The following SMTNL2 variants were observed in gnomAD, a reference collection of about 807,000 sequenced individuals.
SMTNL2 encodes the protein smoothelin like 2, also known as smoothelin-like protein 2.
A neutral mutation model predicts 44.1 loss-of-function variants in SMTNL2; 43 were observed. The ratio of observed to expected loss-of-function variants is 0.98; its 90% CI spans 0.76 to 1.26. The LOEUF (loss-of-function observed/expected upper bound fraction) is 1.26, where lower values mean the gene tolerates loss of function less well. Among genes scored for constraint, SMTNL2 ranks in the 50% most tolerant of loss-of-function variants. SMTNL2 has a pLI of 0.00. For missense variants in SMTNL2, 646 were observed against 670.2 expected (o/e 0.96, Z 0.40); for synonymous variants, 317 against 287.6 (o/e 1.10, Z -1.03).
chr17:4,584,477 C>A, upstream of SMTNL2: 1 of 1,088,116 alleles, frequency 9.2e-7, no homozygotes, highest in Admixed American at 4.4e-5. Context: ...GAGGCCCCGC[C>A]CCGCGCCCGC....
rs1467708388 is a variant in SMTNL2 at position 4,584,723 on chromosome 17, C to T, written c.118C>T (p.Arg40Cys). Residue 40 changes from arginine (R) to cysteine (C), a missense_variant, in exon 1 of 8, where the codon CGC becomes TGC. Coordinates refer to ENST00000389313, the MANE Select transcript of SMTNL2 (RefSeq NM_001114974.2). ...GCACGAGGACATGCGGGGGCTGCAG[C>T]GCGGCGTGGAGCGGCGAGTGGCAGA... ...ALHEDMRGLQ[R>C]GVERRVAEAM... 2.3e-6 allele frequency: 3 copies of T among 1,304,906 alleles called. No homozygotes were observed. In the East Asian group the frequency reaches 9.6e-5, roughly 42 times the overall value. The allele number at this position is 1,304,906 out of a possible 1,614,324, so 80.8% of individuals were successfully genotyped here. A position where few individuals can be genotyped will look rare whatever the true frequency, so the allele number is the denominator to read the frequency against.
At chr17:4,601,524 T>C (rs796205639) in intron 7 of SMTNL2, among the ~76,000 whole-genome samples, 21 of 152,216 alleles carry the variant, frequency 1.4e-4, no homozygotes, top group African/African-American at 4.1e-4. Context: ...GATTGATTGA[T>C]TGATTGATTG....
rs1909792434 is a variant in SMTNL2 at position 4,595,992 on chromosome 17, CGTGGTATTGATG to C, written c.989+666_989+677del. 1.5e-5 allele frequency among the ~76,000 whole-genome samples: 2 copies of C among 130,028 alleles called. No homozygotes were observed. The highest frequency in any genetic ancestry group is 3.5e-5 in the Non-Finnish European group (2 of 57,200). The allele number at this position is 130,028 out of a possible 152,430, so 85.3% of individuals were successfully genotyped here. ...TGCTGTGTGCAGGGTGTGGCCCACG[CGTGGTATTGATG>C]CCTGCTGTGTGCAGGGTGTGGCCCA... On this transcript the variant is annotated intron_variant, in intron 5 of 7. Coordinates refer to ENST00000389313, the MANE Select transcript of SMTNL2 (RefSeq NM_001114974.2). The surrounding 1 kb of genome is among the most constrained non-coding windows in gnomAD (Gnocchi z 5.1).
At chr17:4,594,787 T>C (rs1189656898) in intron 4 of SMTNL2, among the ~76,000 whole-genome samples, 1 of 151,884 alleles carries the variant, frequency 6.6e-6, no homozygotes, top group African/African-American at 2.4e-5. Context: ...AAAGGGGGTC[T>C]TATCGCATGG....
At chr17:4,605,965 G>A (rs953998323) in intron 7 of SMTNL2, among the ~76,000 whole-genome samples, 3 of 152,092 alleles carry the variant, frequency 2.0e-5, no homozygotes, top group Non-Finnish European at 4.4e-5. Context: ...CTCCTCCCAC[G>A]TCCACGAGGC....
At position 4,595,605 on chromosome 17, in the gene SMTNL2, C is replaced by A. The variant is rs1042557875; in HGVS notation, c.989+278C>A. 6.6e-6 allele frequency among the ~76,000 whole-genome samples: 1 copy of A among 152,234 alleles called. No homozygotes were observed. The highest frequency in any genetic ancestry group is 1.9e-4 in the East Asian group (1 of 5,196). ...TCTCCTCCTCCATTCCCGAGGCCCC[C>A]TGTCCTGTCTCTGGTGCCGCCAGGC... On this transcript the variant is annotated intron_variant, in intron 5 of 7. Transcript: ENST00000389313. The surrounding 1 kb of genome is among the most constrained non-coding windows in gnomAD (Gnocchi z 5.1).
Position 4,584,922 on chromosome 17 carries a change from C to T in SMTNL2, c.317C>T (p.Pro106Leu). 1.5e-6 allele frequency: 2 copies of T among 1,301,902 alleles called. No homozygotes were observed. The highest frequency in any genetic ancestry group is 1.9e-6 in the Non-Finnish European group (2 of 1,030,944). 80.6% of individuals were successfully genotyped at this position (1,301,902 alleles called of 1,614,324 possible). A position where few individuals can be genotyped will look rare whatever the true frequency, so the allele number is the denominator to read the frequency against. ...TPGTPSPPPA[P>L]GVPDRAPRLG... Reference sequence around the variant, plus strand: ...GGCACGCCCAGCCCCCCGCCCGCGCCCGGGGTTCCCGACCGCGCGCCCCGC... The same window carrying T: ...GGCACGCCCAGCCCCCCGCCCGCGCTCGGGGTTCCCGACCGCGCGCCCCGC... Residue 106 changes from proline to leucine, a missense_variant, in exon 1 of 8, where the codon CCC becomes CTC. Physicochemically the swap from Pro to Leu is moderately conservative, Grantham distance 98. Coordinates refer to ENST00000389313, the MANE Select transcript of SMTNL2 (RefSeq NM_001114974.2).
intron 4 of SMTNL2, among the ~76,000 whole-genome samples, chr17:4,594,521 G>A (rs971119388): frequency 5.3e-5 from 8 of 151,960 alleles, no homozygotes; most frequent in African/African-American, 9.7e-5. Flanking sequence ...CCTCTCAGCC[G>A]GCAGGAGGGA....
chr17:4,589,831 C>A (rs114768968), intron 1 of SMTNL2, among the ~76,000 whole-genome samples: 2 of 149,386 alleles, frequency 1.3e-5, no homozygotes, highest in African/African-American at 5.0e-5. Flanking sequence ...CCCCGCCCCA[C>A]GCTTCTGATC....
Position 4,584,811 on chromosome 17 carries a change from G to A in SMTNL2, c.206G>A (p.Arg69Gln), listed in dbSNP as rs1401126932. The A allele has an allele frequency of 1.5e-6, 2 of 1,326,746 alleles. No individual in the cohort carries two copies. Among genetic ancestry groups the A allele is most frequent in the Middle Eastern group, 2.8e-4 (1 of 3,532 alleles). The allele number at this position is 1,326,746 out of a possible 1,614,324, so 82.2% of individuals were successfully genotyped here. A position where few individuals can be genotyped will look rare whatever the true frequency, so the allele number is the denominator to read the frequency against. Residue 69 changes from arginine (R) to glutamine (Q), a missense_variant, in exon 1 of 8, where the codon CGG becomes CAG. Arg to Gln is a conservative substitution (Grantham distance 43). Coordinates refer to ENST00000389313, the MANE Select transcript of SMTNL2 (RefSeq NM_001114974.2). ...TVADLQRDNQ[R>Q]LQAQLERLTR... ...GCCGACCTGCAGCGGGACAACCAGC[G>A]GCTGCAGGCGCAGCTCGAGCGCCTG...
rs919962498 is a variant in SMTNL2 at position 4,595,106 on chromosome 17, T to A, written c.807-39T>A. The A allele has an allele frequency of 9.3e-6, 15 of 1,612,574 alleles. No individual in the cohort carries two copies. The highest frequency in any genetic ancestry group is 1.1e-5 in the Non-Finnish European group (13 of 1,179,802). ...TGGGGCCTGGTGAGCTAGTGATGGC[T>A]GCTGGGCCCAGGTCCCAACTCGGCG... On this transcript the variant is annotated intron_variant, in intron 4 of 7. Coordinates refer to ENST00000389313, the MANE Select transcript of SMTNL2 (RefSeq NM_001114974.2). The surrounding 1 kb of genome is among the most constrained non-coding windows in gnomAD (Gnocchi z 5.1).
chr17:4,593,171 G>T lies in SMTNL2; in HGVS notation c.730G>T (p.Glu244Ter). Residue 244 changes from glutamate (E) to a stop codon, truncating the protein, a stop_gained and splice_region_variant, in exon 3 of 8, where the codon GAG (glutamate) becomes TAG (stop). Transcript: ENST00000389313. LOFTEE classifies it high-confidence loss of function. Reference protein sequence around the residue: ...VITPWTPSPSEKNSSFTWSVP... With the variant: ...VITPWTPSPS The stretch of plus-strand genomic sequence containing the variant: ...CACGCCCTGGACTCCCAGTCCTAGC[G>T]GTATGAGCTGGAGAGCGTGGCCTTG... 6.3e-7 allele frequency: 1 copy of T among 1,594,830 alleles called. No homozygotes were observed. The highest frequency in any genetic ancestry group is 8.6e-7 in the Non-Finnish European group (1 of 1,167,232).
At chr17:4,591,016 C>A (rs1219382503) in intron 1 of SMTNL2, among the ~76,000 whole-genome samples, 3 of 152,204 alleles carry the variant, frequency 2.0e-5, no homozygotes, top group African/African-American at 7.2e-5. Flanking sequence ...AATCACTCTG[C>A]TGGGAGTGCC....
Position 4,592,259 on chromosome 17 carries a change from G to A in SMTNL2, c.400-102G>A. The stretch of plus-strand genomic sequence containing the variant: ...GGGGCTGTTTTCTCTCAACATGATT[G>A]GTGTTTTGCCAGAACGGGAGGGGAT... On this transcript the variant is annotated intron_variant, in intron 1 of 7. Transcript: ENST00000389313. The surrounding 1 kb of genome is among the most constrained non-coding windows in gnomAD (Gnocchi z 4.5). 1.9e-6 allele frequency: 2 copies of A among 1,073,012 alleles called. No homozygotes were observed. The highest frequency in any genetic ancestry group is 2.8e-6 in the Non-Finnish European group (2 of 712,356). The allele number at this position is 1,073,012 out of a possible 1,614,324, so 66.5% of individuals were successfully genotyped here.
chr17:4,591,213 C>T (rs62066428), intron 1 of SMTNL2, among the ~76,000 whole-genome samples: 19,851 of 152,224 alleles, frequency 0.13, 1,323 homozygotes, highest in Non-Finnish European at 0.16. Context: ...TGGCACCTCC[C>T]GCACTGGTTG....
chr17:4,585,861 G>A (rs953289067), intron 1 of SMTNL2, among the ~76,000 whole-genome samples: 2 of 152,238 alleles, frequency 1.3e-5, no homozygotes, highest in African/African-American at 4.8e-5. Flanking sequence ...ATTTCCCGCT[G>A]TGGGCTGGGC....
chr17:4,594,754 T>C (rs916100703), intron 4 of SMTNL2, among the ~76,000 whole-genome samples: 2 of 151,650 alleles, frequency 1.3e-5, no homozygotes, highest in African/African-American at 4.8e-5. Flanking sequence ...TGTGACTTTC[T>C]GGCAAACCGT....
At chr17:4,594,436 G>A (rs553049592) in intron 4 of SMTNL2, among the ~76,000 whole-genome samples, 2 of 151,338 alleles carry the variant, frequency 1.3e-5, no homozygotes, top group South Asian at 4.2e-4. Context: ...GTAACAGAGT[G>A]AGACTCTATC....
Position 4,598,773 on chromosome 17 carries a change from G to A in SMTNL2, c.1259+1450G>A, listed in dbSNP as rs1257862377. Among the ~76,000 whole-genome samples the A allele has an allele frequency of 6.6e-6, 1 of 151,850 alleles. No individual in the cohort carries two copies. Among genetic ancestry groups the A allele is most frequent in the African/African-American group, 2.4e-5 (1 of 41,314 alleles). ...CAAGAGAAAGAGGTTGCAGTGAGCT[G>A]AGATCGCACCACTGTACTCCAGCCT... On this transcript the variant is annotated intron_variant, in intron 7 of 7. Transcript: ENST00000389313. The surrounding 1 kb of genome is among the most constrained non-coding windows in gnomAD (Gnocchi z 4.8).
Sources: gnomAD v4.1 joint callset for allele counts (sites outside exome capture counted in the v4.1 genomes callset) on GRCh38, gnomAD v4.1.1 for gene constraint, Gnocchi (gnomAD v3.1) non-coding constraint, MANE v1.5 for transcripts, NCBI Gene and HGNC (gene_info 2026-07-23, HGNC 2026-07-21) for gene names.